FRMPD4: variants seen among roughly 807,000 people sequenced by gnomAD.
The protein encoded by FRMPD4 is FERM and PDZ domain containing 4.
In FRMPD4, 22 loss-of-function variants were observed where a neutral mutation model predicts 94.1. That is an observed-to-expected ratio of 0.23 (90% CI 0.17 to 0.33). The LOEUF is 0.33. Ranked by LOEUF, FRMPD4 falls within the 10% of genes least tolerant of loss-of-function variation. The pLI, the probability that FRMPD4 is intolerant of heterozygous loss-of-function variation, is 1.00. For synonymous variants in FRMPD4, 631 were observed against 548.6 expected, an observed-to-expected ratio of 1.15 and a Z score of -2.10; for missense variants, 1,111 against 1,339.9, an observed-to-expected ratio of 0.83 and a Z score of 2.67.
At chrX:11,830,164 T>A (rs2053467155) in intron 1 of FRMPD4, among the ~76,000 whole-genome samples, 1 of 111,828 alleles carries the variant, frequency 8.9e-6, no homozygotes, top group Admixed American at 9.5e-5. Context: ...GATATAACTA[T>A]AATATATGTC....
chrX:12,717,582 G>A lies in FRMPD4; in HGVS notation c.2756G>A (p.Ser919Asn). ...NETNSSEMTESSELATAQKQS... is the reference protein window; with the variant it reads ...NETNSSEMTENSELATAQKQS... ...ACTAACTCTTCTGAAATGACTGAGA[G>A]TTCTGAACTGGCCACAGCACAAAAA... The change falls in exon 16 of 17, where the codon AGT becomes AAT. Residue 919 changes from serine (S) to asparagine (N), a missense_variant. Coordinates refer to ENST00000675598, the MANE Select transcript of FRMPD4 (RefSeq NM_001368397.1). 1 of 1,200,981 alleles carries A rather than the reference G, an allele frequency of 8.3e-7. No individual in the cohort carries two copies. Among genetic ancestry groups the A allele is most frequent in the Non-Finnish European group, 1.1e-6 (1 of 885,839 alleles).
At chrX:12,361,446 A>G (rs2055987423) in intron 1 of FRMPD4, among the ~76,000 whole-genome samples, 1 of 112,065 alleles carries the variant, frequency 8.9e-6, no homozygotes, top group Admixed American at 9.4e-5. Flanking sequence ...AAACCACAGG[A>G]GCAGGCTTGC....
rs1462444933 is a variant in FRMPD4 at position 11,946,559 on chromosome X, G to A, written c.95+68541G>A. 3.6e-5 allele frequency among the ~76,000 whole-genome samples: 4 copies of A among 111,816 alleles called. No homozygotes were observed. In the Admixed American group the frequency reaches 3.8e-4, roughly 11 times the overall value. ...ACCCCTGATGGTGCTTGCTCTGTGTGATGGTTAATTTTATGTGTCAACTTG... is the reference window on the plus strand; with the variant it reads ...ACCCCTGATGGTGCTTGCTCTGTGTAATGGTTAATTTTATGTGTCAACTTG... On this transcript the variant is annotated intron_variant, in intron 3 of 18. Coordinates refer to the FRMPD4 transcript ENST00000640291.
chrX:12,222,730 A>G (rs1354914938), intron 1 of FRMPD4, among the ~76,000 whole-genome samples: 1 of 112,383 alleles, frequency 8.9e-6, no homozygotes. Flanking sequence ...GAAATTTCTT[A>G]TAAATGGAAT....
At chrX:12,521,966 A>G (rs780595572) in intron 2 of FRMPD4, among the ~76,000 whole-genome samples, 9 of 111,343 alleles carry the variant, frequency 8.1e-5, no homozygotes, top group Admixed American at 2.8e-4. Flanking sequence ...CCATGGGGCT[A>G]TAGGAGGGCA....
intron 3 of FRMPD4, among the ~76,000 whole-genome samples, chrX:11,961,236 T>C (rs1412808184): frequency 8.9e-6 from 1 of 112,085 alleles, no homozygotes; most frequent in Non-Finnish European, 1.9e-5. Flanking sequence ...TTTTACTCTC[T>C]CTCCTCTTCT....
At chrX:12,088,473 T>A (rs1283432491) in intron 3 of FRMPD4, among the ~76,000 whole-genome samples, 1 of 111,978 alleles carries the variant, frequency 8.9e-6, no homozygotes, top group Non-Finnish European at 1.9e-5. Flanking sequence ...GGTGGTGTGG[T>A]CTCAGACCAG....
At chrX:12,448,330 A>C (rs2057225523) in intron 1 of FRMPD4, among the ~76,000 whole-genome samples, 1 of 112,361 alleles carries the variant, frequency 8.9e-6, no homozygotes, top group Non-Finnish European at 1.9e-5. Flanking sequence ...GGACAATAAG[A>C]GGATCACAGG....
chrX:12,500,540 G>A (rs1031185180), intron 2 of FRMPD4, among the ~76,000 whole-genome samples: 2 of 110,440 alleles, frequency 1.8e-5, no homozygotes, highest in African/African-American at 3.3e-5. Flanking sequence ...TCTTTCTGAC[G>A]TACTTAACTC....
chrX:12,134,484 G>A (rs2055580475), upstream of FRMPD4, among the ~76,000 whole-genome samples: 1 of 111,965 alleles, frequency 8.9e-6, no homozygotes, highest in Non-Finnish European at 1.9e-5. Flanking sequence ...AGACCAGATG[G>A]TCGAGATGCT....
intron 1 of FRMPD4, among the ~76,000 whole-genome samples, chrX:12,143,352 G>T (rs780481397): frequency 1.8e-5 from 2 of 112,389 alleles, no homozygotes; most frequent in South Asian, 3.7e-4. Flanking sequence ...ATCAAAAAAA[G>T]AATAATATGA....
intron 2 of FRMPD4, among the ~76,000 whole-genome samples, chrX:12,581,294 TGAACCATTCTTA>T (rs1394573712): frequency 8.9e-6 from 1 of 112,237 alleles, no homozygotes; most frequent in African/African-American, 3.2e-5. Flanking sequence ...GAAAATTACA[TGAACCATTCTTA>T]GAGAAGATAA....
At chrX:12,291,701 C>T (rs768138073) in intron 1 of FRMPD4, among the ~76,000 whole-genome samples, 5 of 111,633 alleles carry the variant, frequency 4.5e-5, no homozygotes, top group Non-Finnish European at 7.5e-5. Context: ...TGCAAAGCCT[C>T]TCCCCTCTCC....
Position 12,010,126 on chromosome X carries a change from T to C in FRMPD4, c.95+132108T>C, listed in dbSNP as rs755500253. 4.5e-5 allele frequency among the ~76,000 whole-genome samples: 5 copies of C among 111,566 alleles called. No individual in the cohort carries two copies. In the Admixed American group the frequency reaches 4.8e-4, roughly 11 times the overall value. The stretch of plus-strand genomic sequence containing the variant: ...CTGAGTAGAAATCAGAATATCTGGG[T>C]TTCTGTCCCAGTTTTTTACCTCCTG... On this transcript the variant is annotated intron_variant, in intron 3 of 18. Transcript: ENST00000640291.
chrX:11,868,140 A>G (rs1378930371), intron 2 of FRMPD4, among the ~76,000 whole-genome samples: 1 of 112,086 alleles, frequency 8.9e-6, no homozygotes, highest in Non-Finnish European at 1.9e-5. Context: ...TCTGCAGTAC[A>G]TTGTCAAGGC....
At chrX:12,208,794 T>C (rs1159971071) in intron 1 of FRMPD4, among the ~76,000 whole-genome samples, 2 of 111,809 alleles carry the variant, frequency 1.8e-5, no homozygotes, top group African/African-American at 6.5e-5. Context: ...TCCAATTAAA[T>C]ACAATCATGC....
At chrX:12,489,609 G>A (rs2057772927) in intron 1 of FRMPD4, among the ~76,000 whole-genome samples, 1 of 112,428 alleles carries the variant, frequency 8.9e-6, no homozygotes, top group African/African-American at 3.2e-5. Flanking sequence ...CATTAACTCT[G>A]TAATCACTGT....
chrX:12,519,106 A>T (rs2058133887), intron 2 of FRMPD4, among the ~76,000 whole-genome samples: 1 of 112,532 alleles, frequency 8.9e-6, no homozygotes, highest in Admixed American at 9.4e-5. Context: ...AATATTGTTA[A>T]ATGTCAATAT....
At chrX:12,241,775 C>T (rs1291603462) in intron 1 of FRMPD4, among the ~76,000 whole-genome samples, 2 of 110,798 alleles carry the variant, frequency 1.8e-5, no homozygotes, top group Non-Finnish European at 3.8e-5. Context: ...GTGGCATGTG[C>T]CTGTGGTCCC....
Sources: gnomAD v4.1 joint callset for allele counts (sites outside exome capture counted in the v4.1 genomes callset) on GRCh38, gnomAD v4.1.1 for gene constraint, MANE v1.5 for transcripts, NCBI Gene and HGNC (gene_info 2026-07-23, HGNC 2026-07-21) for gene names.